The following CRADD variants were observed in gnomAD, a reference collection of about 807,000 sequenced individuals.
CRADD encodes the protein death domain-containing protein CRADD.
CRADD carries 9 observed loss-of-function variants against 15.5 expected under a neutral mutation model. That is an observed-to-expected ratio of 0.58 (90% CI 0.35 to 1.01). CRADD has a LOEUF of 1.01. CRADD is among the 50% of genes least tolerant of loss of function. CRADD has a pLI of 0.02. For synonymous variants in CRADD, 118 were observed against 107.6 expected, an observed-to-expected ratio of 1.10 and a Z score of -0.60; for missense variants, 227 against 250.3, an observed-to-expected ratio of 0.91 and a Z score of 0.63.
At chr12:93,689,744 A>G (rs1955523668) in intron 2 of CRADD, among the ~76,000 whole-genome samples, 1 of 152,164 alleles carries the variant, frequency 6.6e-6, no homozygotes, top group Non-Finnish European at 1.5e-5. Flanking sequence ...TTATAACCTA[A>G]ATACAAGACT....
rs1266744109 is a variant in CRADD, at chr12:93,894,107, G to A, written c.356G>A (p.Trp119Ter). 1.4e-6 allele frequency: 1 copy of A among 702,476 alleles called. No homozygotes were observed. Among genetic ancestry groups the A allele is most frequent in the Non-Finnish European group, 2.6e-6 (1 of 384,980 alleles). The allele number at this position is 702,476 out of a possible 1,614,324, so 43.5% of individuals were successfully genotyped here. A position where few individuals can be genotyped will look rare whatever the true frequency, so the allele number is the denominator to read the frequency against. ...ACTTGCCTGGCTTCACAGCTCACCT[G>A]GAGATTCTGAACTGGCATCTTCCTC... is the stretch of plus-strand genomic sequence containing the variant. Residue 119 changes from tryptophan to a stop codon, truncating the protein, a stop_gained, in exon 3 of 3, where the codon TGG becomes TAG. Transcript: ENST00000548483. LOFTEE classifies it high-confidence loss of function.
chr12:93,749,956 C>T (rs751821869), intron 2 of CRADD, among the ~76,000 whole-genome samples: 6 of 152,198 alleles, frequency 3.9e-5, no homozygotes, highest in South Asian at 4.1e-4. Context: ...GTACTCAGGA[C>T]ATGTTTGTTA....
chr12:93,756,802 C>T (rs1956895437), intron 2 of CRADD, among the ~76,000 whole-genome samples: 1 of 152,190 alleles, frequency 6.6e-6, no homozygotes. Context: ...CATCAGGTAT[C>T]AGGGAACTTC....
At chr12:93,704,758 G>A (rs1955908329) in intron 2 of CRADD, among the ~76,000 whole-genome samples, 2 of 152,120 alleles carry the variant, frequency 1.3e-5, no homozygotes, top group African/African-American at 4.8e-5. Context: ...GACTCCTGCT[G>A]GCTTCTTCAG....
At chr12:93,864,122 A>G (rs1261611413) in intron 2 of CRADD, among the ~76,000 whole-genome samples, 1 of 152,234 alleles carries the variant, frequency 6.6e-6, no homozygotes, top group Non-Finnish European at 1.5e-5. Context: ...AGGCACAGTC[A>G]TAGCTTACTA....
chr12:93,756,350 C>A (rs1956889889), intron 2 of CRADD, among the ~76,000 whole-genome samples: 2 of 152,158 alleles, frequency 1.3e-5, no homozygotes, highest in Admixed American at 6.5e-5. Context: ...TTAGTTAAGC[C>A]ATGATCCAGT....
At chr12:93,847,841 G>GT (rs1332418558) in intron 2 of CRADD, among the ~76,000 whole-genome samples, 1 of 152,130 alleles carries the variant, frequency 6.6e-6, no homozygotes, top group Non-Finnish European at 1.5e-5. Context: ...TTGAGTTTTC[G>GT]TAACTTTTTT....
intron 2 of CRADD, among the ~76,000 whole-genome samples, chr12:93,755,442 T>G (rs1482792519): frequency 6.6e-6 from 1 of 152,198 alleles, no homozygotes; most frequent in Non-Finnish European, 1.5e-5. Context: ...TACATGACAG[T>G]GGAACTAACT....
At chr12:93,851,611 A>G (rs1409919809), downstream of CRADD, among the ~76,000 whole-genome samples, 1 of 152,236 alleles carries the variant, frequency 6.6e-6, no homozygotes, top group Non-Finnish European at 1.5e-5. Flanking sequence ...TGGTTAGACC[A>G]CAGGCAAAGC....
intron 2 of CRADD, among the ~76,000 whole-genome samples, chr12:93,687,363 A>T (rs1317174951): frequency 6.6e-6 from 1 of 152,166 alleles, no homozygotes. Context: ...GGTTGATTTA[A>T]CTCATTGTTG....
rs556814410 is a variant in CRADD at position 93,819,625 on chromosome 12, G to A, written c.299-30345G>A. ...GTGAATATGATAGCTATCCTTCAGG[G>A]CAATTGTGAGAGGTAAGCAGGCTAA... is the stretch of plus-strand genomic sequence containing the variant. On this transcript the variant is annotated intron_variant, in intron 2 of 2. Coordinates refer to ENST00000332896, the MANE Select transcript of CRADD (RefSeq NM_003805.5). 3.3e-5 allele frequency among the ~76,000 whole-genome samples: 5 copies of A among 152,338 alleles called. No individual in the cohort carries two copies. The East Asian group carries it at 7.7e-4, about 23-fold the overall frequency.
intron 2 of CRADD, among the ~76,000 whole-genome samples, chr12:93,745,389 T>C (rs1440529827): frequency 2.6e-5 from 4 of 152,202 alleles, no homozygotes; most frequent in Non-Finnish European, 5.9e-5. Flanking sequence ...TAGGGGAGTT[T>C]TATGAATACT....
intron 2 of CRADD, among the ~76,000 whole-genome samples, chr12:93,741,132 A>G (rs558105930): frequency 6.6e-6 from 1 of 152,222 alleles, no homozygotes; most frequent in Non-Finnish European, 1.5e-5. Flanking sequence ...GTGTGTCATT[A>G]GAACAGAAAT....
chr12:93,802,276 A>T (rs1387658148), intron 2 of CRADD, among the ~76,000 whole-genome samples: 1 of 152,208 alleles, frequency 6.6e-6, no homozygotes, highest in Non-Finnish European at 1.5e-5. Context: ...TACGTTTTCC[A>T]TAGTGGTTTT....
chr12:93,748,649 G>GA (rs1275857645), intron 2 of CRADD, among the ~76,000 whole-genome samples: 1 of 131,430 alleles, frequency 7.6e-6, no homozygotes, highest in Non-Finnish European at 1.7e-5. Context: ...AGGCATACTG[G>GA]GGAAGTGATC....
chr12:93,840,200 A>T (rs1359574418), intron 2 of CRADD, among the ~76,000 whole-genome samples: 6 of 152,228 alleles, frequency 3.9e-5, no homozygotes, highest in African/African-American at 9.6e-5. Flanking sequence ...CATCCCATCT[A>T]GCACAACAGG....
chr12:93,800,510 C>T (rs1337096238), intron 2 of CRADD, among the ~76,000 whole-genome samples: 3 of 151,974 alleles, frequency 2.0e-5, no homozygotes, highest in South Asian at 4.2e-4. Context: ...GACGGTTCCC[C>T]CATGTTGTTC....
intron 2 of CRADD, among the ~76,000 whole-genome samples, chr12:93,864,307 G>A (rs542661568): frequency 1.3e-5 from 2 of 152,242 alleles, no homozygotes; most frequent in East Asian, 3.9e-4. Flanking sequence ...TCCATCCTCA[G>A]CCTCCTGAAG....
chr12:93,761,826 TTC>T (rs1219971337), intron 2 of CRADD, among the ~76,000 whole-genome samples: 1 of 152,224 alleles, frequency 6.6e-6, no homozygotes, highest in Non-Finnish European at 1.5e-5. Context: ...CCAGCTTTAA[TTC>T]TCTGTTGCTC....
Sources: gnomAD v4.1 joint callset for allele counts (sites outside exome capture counted in the v4.1 genomes callset) on GRCh38, gnomAD v4.1.1 for gene constraint, MANE v1.5 for transcripts, NCBI Gene and HGNC (gene_info 2026-07-23, HGNC 2026-07-21) for gene names.